LY6L: variants seen among roughly 807,000 people sequenced by gnomAD.
The protein encoded by LY6L is lymphocyte antigen 6L.
A neutral mutation model predicts 8.3 loss-of-function variants in LY6L; 8 were observed. The ratio of observed to expected loss-of-function variants is 0.97; its 90% CI spans 0.57 to 1.74. The LOEUF is 1.74. LY6L is among the 40% of genes most tolerant of loss of function. LY6L has a pLI of 0.00. For missense variants in LY6L, 156 were observed against 183.8 expected (o/e 0.85, Z 0.87); for synonymous variants, 79 against 77.9 (o/e 1.01, Z -0.07).
rs1820466683 is a variant in LY6L, at chr8:143,083,233, G to A, written c.*582G>A. On this transcript the variant is annotated 3_prime_UTR_variant, in exon 4 of 4. Transcript: ENST00000562505. Reference sequence around the variant, plus strand: ...GGGAAGGACGGTGCCTCTGGTGTTGGTGGTGGGAAAGACAGTGTCTCTGGT... The same window carrying A: ...GGGAAGGACGGTGCCTCTGGTGTTGATGGTGGGAAAGACAGTGTCTCTGGT... 6.6e-6 allele frequency among the ~76,000 whole-genome samples: 1 copy of A among 152,194 alleles called. No individual in the cohort carries two copies. Among genetic ancestry groups the A allele is most frequent in the South Asian group, 2.1e-4 (1 of 4,828 alleles).
At position 143,082,600 on chromosome 8, in the gene LY6L, AGG is replaced by A. The variant is rs1007219348; in HGVS notation, c.371_372del (p.Gly124AlafsTer67). ...TPQEGRWALR[G>X]GLLLQVGLSL... is the part of the protein sequence containing the mutation. The stretch of plus-strand genomic sequence containing the variant: ...CACAGGAGGGGCGCTGGGCCCTGCG[AGG>A]GGGGCTCCTGCTCCAGGTGGGCCTC... On this transcript the variant is annotated frameshift_variant, in exon 4 of 4. Transcript: ENST00000562505. LOFTEE classifies it low-confidence loss of function (END_TRUNC). 2.0e-6 allele frequency: 3 copies of A among 1,526,608 alleles called. No homozygotes were observed. Among genetic ancestry groups the A allele is most frequent in the Admixed American group, 2.0e-5 (1 of 50,738 alleles). The allele number at this position is 1,526,608 out of a possible 1,614,324, so 94.6% of individuals were successfully genotyped here.
In LY6L at chr8:143,082,727, G is replaced by A. The variant is rs562039018; in HGVS notation, c.*76G>A. On this transcript the variant is annotated 3_prime_UTR_variant, in exon 4 of 4. Transcript: ENST00000562505. ...TGCCTCCAACTGCCATCCTGCCTCC[G>A]CCCCTTCCAGGACACTGGGGGGGGA... is the stretch of plus-strand genomic sequence containing the variant. The A allele has an allele frequency of 9.0e-5, 108 of 1,203,910 alleles. No homozygotes were observed. Among genetic ancestry groups the A allele is most frequent in the African/African-American group, 6.4e-4 (42 of 65,244 alleles). The allele number at this position is 1,203,910 out of a possible 1,614,324, so 74.6% of individuals were successfully genotyped here. A position where few individuals can be genotyped will look rare whatever the true frequency, so the allele number is the denominator to read the frequency against.
In LY6L at chr8:143,081,049, G is replaced by C; in HGVS notation, c.-5G>C. 2.6e-6 allele frequency: 4 copies of C among 1,533,330 alleles called. No individual in the cohort carries two copies. Among genetic ancestry groups the C allele is most frequent in the Non-Finnish European group, 3.5e-6 (4 of 1,145,116 alleles). The allele number at this position is 1,533,330 out of a possible 1,614,324, so 95.0% of individuals were successfully genotyped here. A position where few individuals can be genotyped will look rare whatever the true frequency, so the allele number is the denominator to read the frequency against. ...CACCCCACTCAGGCTGAGCCTTCTG[G>C]CGTCATGGAGAGGCTCGTCCTAACC... On this transcript the variant is annotated 5_prime_UTR_variant, in exon 2 of 4. Transcript: ENST00000562505.
rs774634367 is a variant in LY6L, at chr8:143,082,535, C to T, written c.301C>T (p.Arg101Cys). The change falls in exon 4 of 4, where the codon CGC becomes TGC. Residue 101 changes from arginine to cysteine, a missense_variant. Coordinates refer to ENST00000562505, the MANE Select transcript of LY6L (RefSeq NM_001368160.2). ...APMVQGVITR[R>C]CCSWALCNRA... ...CATGGTGCAAGGCGTGATCACCAGG[C>T]GCTGCTGTTCCTGGGCTCTCTGCAA... 3.9e-6 allele frequency: 6 copies of T among 1,535,270 alleles called. No individual in the cohort carries two copies. Among genetic ancestry groups the T allele is most frequent in the East Asian group, 4.9e-5 (2 of 40,934 alleles).
rs936889402 is a variant in LY6L, at chr8:143,082,328, G to A, written c.191-97G>A. On this transcript the variant is annotated intron_variant, in intron 3 of 3. Transcript: ENST00000562505. ...ACGTGCTCTAGCTCTTTCTGGTCCCGGCTGCTCCTTTGGAAAGCATCCTTG... is the reference window on the plus strand; with the variant it reads ...ACGTGCTCTAGCTCTTTCTGGTCCCAGCTGCTCCTTTGGAAAGCATCCTTG... 3.1e-5 allele frequency: 27 copies of A among 869,506 alleles called. 1 individual carries two copies. The highest frequency in any genetic ancestry group is 1.5e-4 in the South Asian group (9 of 59,474). The allele number at this position is 869,506 out of a possible 1,614,324, so 53.9% of individuals were successfully genotyped here.
chr8:143,082,076 G>C (rs1463809135), intron 3 of LY6L, among the ~76,000 whole-genome samples: 1 of 152,244 alleles, frequency 6.6e-6, no homozygotes, highest in East Asian at 1.9e-4. Flanking sequence ...CCACTGCTCT[G>C]AGTCACCCCA....
At chr8:143,080,951 G>A in intron 1 of LY6L, 85 bp from the exon 2 acceptor site, 2 of 1,052,536 alleles carry the variant, frequency 1.9e-6, no homozygotes, top group African/African-American at 1.6e-5. Context: ...GGTGCGCCCT[G>A]AGTAAAGCCC....
rs1820419414 is a variant in LY6L at position 143,081,050 on chromosome 8, C to A, written c.-4C>A. On this transcript the variant is annotated 5_prime_UTR_variant, in exon 2 of 4. Transcript: ENST00000562505. Reference sequence around the variant, plus strand: ...ACCCCACTCAGGCTGAGCCTTCTGGCGTCATGGAGAGGCTCGTCCTAACCC... The same window carrying A: ...ACCCCACTCAGGCTGAGCCTTCTGGAGTCATGGAGAGGCTCGTCCTAACCC... 1 of 1,533,102 alleles carries A rather than the reference C, an allele frequency of 6.5e-7. No individual in the cohort carries two copies. The highest frequency in any genetic ancestry group is 8.7e-7 in the Non-Finnish European group (1 of 1,144,968). 95.0% of individuals were successfully genotyped at this position (1,533,102 alleles called of 1,614,324 possible).
chr8:143,081,134 G>T lies in LY6L; in HGVS notation c.73+8G>T. 6.5e-7 allele frequency: 1 copy of T among 1,534,232 alleles called. No individual in the cohort carries two copies. The highest frequency in any genetic ancestry group is 8.7e-7 in the Non-Finnish European group (1 of 1,145,948). ...GCTGCGCCACGACGCCAGGTAAGGC[G>T]CGGCCCGGGCTGGGCTGGGGGCGTC... is the stretch of plus-strand genomic sequence containing the variant. On this transcript the variant is annotated splice_region_variant and intron_variant, in intron 2 of 3. Transcript: ENST00000562505.
chr8:143,080,926 T>A, intron 1 of LY6L, 110 bp from the exon 2 acceptor site: 1 of 741,402 alleles, frequency 1.3e-6, no homozygotes, highest in Non-Finnish European at 2.1e-6. Flanking sequence ...CGCAGGAGGC[T>A]AGTGTGGGAT....
intron 1 of LY6L, 132 bp from the exon 2 acceptor site, chr8:143,080,904 C>T: frequency 1.5e-6 from 1 of 655,460 alleles, no homozygotes; most frequent in Non-Finnish European, 2.5e-6. Context: ...TGGGTGAAGC[C>T]GCGTCCGGGA....
At chr8:143,081,602 C>T (rs1012505360) in intron 3 of LY6L, among the ~76,000 whole-genome samples, 1 of 152,178 alleles carries the variant, frequency 6.6e-6, no homozygotes, top group African/African-American at 2.4e-5. Context: ...CAGGAACACA[C>T]GGGTGGGGAT....
Position 143,082,591 on chromosome 8 carries a change from G to T in LY6L, c.357G>T (p.Trp119Cys), listed in dbSNP as rs1205129933. 4 of 1,529,262 alleles carry T rather than the reference G, an allele frequency of 2.6e-6. No homozygotes were observed. In the East Asian group the frequency reaches 9.8e-5, roughly 38 times the overall value. 94.7% of individuals were successfully genotyped at this position (1,529,262 alleles called of 1,614,324 possible). ...CACTGACCCCACAGGAGGGGCGCTG[G>T]GCCCTGCGAGGGGGGCTCCTGCTCC... Reference protein sequence around the residue: ...NRALTPQEGRWALRGGLLLQV... With the variant: ...NRALTPQEGRCALRGGLLLQV... The change falls in exon 4 of 4, where the codon TGG (tryptophan) becomes TGT (cysteine). Residue 119 changes from tryptophan to cysteine, a missense_variant. Trp to Cys is a radical substitution (Grantham distance 215, BLOSUM62 -2). Transcript: ENST00000562505.
At position 143,082,906 on chromosome 8, in the gene LY6L, TGGG is replaced by T; in HGVS notation, c.*256_*258del. 6.4e-6 allele frequency: 3 copies of T among 471,028 alleles called. 1 individual carries two copies. In the South Asian group the frequency reaches 1.1e-4, roughly 18 times the overall value. 29.2% of individuals were successfully genotyped at this position (471,028 alleles called of 1,614,324 possible). On this transcript the variant is annotated 3_prime_UTR_variant, in exon 4 of 4. Coordinates refer to ENST00000562505, the MANE Select transcript of LY6L (RefSeq NM_001368160.2). ...AGGACAGTGCCTCTGATGTGGGTGATGGGAAGGACGGTGCCTCTGATGTGGGTG... is the reference window on the plus strand; with the variant it reads ...AGGACAGTGCCTCTGATGTGGGTGATAAGGACGGTGCCTCTGATGTGGGTG...
At chr8:143,081,512 T>G (rs1005028799) in intron 3 of LY6L, among the ~76,000 whole-genome samples, 185 bp downstream of exon 3, 2 of 152,212 alleles carry the variant, frequency 1.3e-5, no homozygotes, top group East Asian at 3.9e-4. Context: ...GAATTTTGAC[T>G]TTTTTCTCCT....
chr8:143,083,285 C>T lies in LY6L; in HGVS notation c.*634C>T, dbSNP rs1053567017. Among the ~76,000 whole-genome samples, 2 of 152,156 alleles carry T rather than the reference C, an allele frequency of 1.3e-5. No individual in the cohort carries two copies. Among genetic ancestry groups the T allele is most frequent in the Non-Finnish European group, 2.9e-5 (2 of 68,028 alleles). ...GGCGATGGCCCCTTGCATGAGGCCC[C>T]TTGCCCTGAATGCTGTCCAGGACCC... On this transcript the variant is annotated 3_prime_UTR_variant, in exon 4 of 4. Transcript: ENST00000562505.
Position 143,081,221 on chromosome 8 carries a change from G to A in LY6L, c.84G>A (p.Leu28=), listed in dbSNP as rs1820423862. 1.3e-6 allele frequency: 2 copies of A among 1,531,190 alleles called. No individual in the cohort carries two copies. The highest frequency in any genetic ancestry group is 2.7e-5 in the African/African-American group (2 of 72,936). 94.9% of individuals were successfully genotyped at this position (1,531,190 alleles called of 1,614,324 possible). The change falls in exon 3 of 4, where the codon CTG becomes CTA. Residue 28 remains leucine (L), a synonymous_variant. Coordinates refer to ENST00000562505, the MANE Select transcript of LY6L (RefSeq NM_001368160.2). ...AGCATTPARN[L]SCYQCFKVSS... ...GCTTGCTGCCCACAGCTCGCAACCT[G>A]AGCTGCTACCAGTGCTTCAAGGTCA...
rs1265270145 is a variant in LY6L, at chr8:143,081,202, T to G, written c.74-9T>G. ...CGCTGGTCCACAGCGCCCCGCTTGC[T>G]GCCCACAGCTCGCAACCTGAGCTGC... On this transcript the variant is annotated splice_polypyrimidine_tract_variant and intron_variant, in intron 2 of 3. Transcript: ENST00000562505. The G allele has an allele frequency of 1.3e-6, 2 of 1,528,088 alleles. No individual in the cohort carries two copies. Among genetic ancestry groups the G allele is most frequent in the African/African-American group, 2.7e-5 (2 of 72,856 alleles). The allele number at this position is 1,528,088 out of a possible 1,614,324, so 94.7% of individuals were successfully genotyped here.
chr8:143,081,235 G>C lies in LY6L; in HGVS notation c.98G>C (p.Cys33Ser), dbSNP rs1820424221. The C allele has an allele frequency of 1.3e-6, 2 of 1,533,290 alleles. No homozygotes were observed. The highest frequency in any genetic ancestry group is 2.7e-5 in the African/African-American group (2 of 73,114). The allele number at this position is 1,533,290 out of a possible 1,614,324, so 95.0% of individuals were successfully genotyped here. Reference sequence around the variant, plus strand: ...GCTCGCAACCTGAGCTGCTACCAGTGCTTCAAGGTCAGCAGCTGGACGGAG... The same window carrying C: ...GCTCGCAACCTGAGCTGCTACCAGTCCTTCAAGGTCAGCAGCTGGACGGAG... ...TPARNLSCYQ[C>S]FKVSSWTECP... Residue 33 changes from cysteine to serine, a missense_variant, in exon 3 of 4, where the codon TGC (cysteine) becomes TCC (serine). By Grantham distance (112) the Cys-to-Ser change is moderately radical. Coordinates refer to ENST00000562505, the MANE Select transcript of LY6L (RefSeq NM_001368160.2).
Sources: gnomAD v4.1 joint callset for allele counts (sites outside exome capture counted in the v4.1 genomes callset) on GRCh38, gnomAD v4.1.1 for gene constraint, MANE v1.5 for transcripts, NCBI Gene and HGNC (gene_info 2026-07-23, HGNC 2026-07-21) for gene names.